Variants in IFT74 observed in about 807,000 individuals in gnomAD.
IFT74 encodes intraflagellar transport 74.
In IFT74, 92 loss-of-function variants were observed where a neutral mutation model predicts 96.7. The observed-to-expected ratio is 0.95, with a 90% CI of 0.80 to 1.13. IFT74 has a LOEUF of 1.13. Among genes scored for constraint, IFT74 ranks in the 50% most tolerant of loss-of-function variants. IFT74 has a pLI of 0.00. For synonymous variants in IFT74, 223 were observed against 213.2 expected, an observed-to-expected ratio of 1.05 and a Z score of -0.40; for missense variants, 811 against 698.2, an observed-to-expected ratio of 1.16 and a Z score of -1.82.
At chr9:27,044,669 A>G in intron 13 of IFT74, 73 bp from the exon 14 acceptor site, 1 of 842,044 alleles carries the variant, frequency 1.2e-6, no homozygotes. Flanking sequence ...GAGAGAACCA[A>G]AGAGAGATTT....
intron 1 of IFT74, among the ~76,000 whole-genome samples, chr9:26,950,456 A>G (rs1216635842): frequency 6.6e-6 from 1 of 152,036 alleles, no homozygotes; most frequent in Non-Finnish European, 1.5e-5. Flanking sequence ...CCATACAAGG[A>G]GTTGGGGTGG....
At chr9:26,951,233 G>C (rs1825920965) in intron 1 of IFT74, among the ~76,000 whole-genome samples, 1 of 152,198 alleles carries the variant, frequency 6.6e-6, no homozygotes, top group African/African-American at 2.4e-5. Context: ...ACTGAGAACA[G>C]CATTAATGCA....
At chr9:27,003,779 A>G (rs1828630188) in intron 8 of IFT74, among the ~76,000 whole-genome samples, 1 of 152,200 alleles carries the variant, frequency 6.6e-6, no homozygotes, top group Non-Finnish European at 1.5e-5. Context: ...GTAGATCATA[A>G]TAGAATCCCT....
chr9:27,018,027 G>T (rs1360412713), intron 11 of IFT74, among the ~76,000 whole-genome samples: 4 of 152,150 alleles, frequency 2.6e-5, no homozygotes, highest in Non-Finnish European at 5.9e-5. Flanking sequence ...TTTCAAAAAG[G>T]TATTAAATCT....
intron 2 of IFT74, among the ~76,000 whole-genome samples, chr9:26,966,260 A>C (rs1826607602): frequency 2.0e-5 from 3 of 152,122 alleles, no homozygotes; most frequent in Admixed American, 2.0e-4. Context: ...ACTGTTCTCC[A>C]TAGTAGTTAT....
chr9:26,975,397 C>A (rs1197230076), intron 2 of IFT74, among the ~76,000 whole-genome samples: 3 of 152,134 alleles, frequency 2.0e-5, no homozygotes, highest in Non-Finnish European at 4.4e-5. Context: ...CAAATCCACT[C>A]TTCATTGGAA....
At chr9:26,959,496 A>G (rs1826262237) in intron 1 of IFT74, among the ~76,000 whole-genome samples, 1 of 152,204 alleles carries the variant, frequency 6.6e-6, no homozygotes, top group Non-Finnish European at 1.5e-5. Context: ...TCAAGAAATA[A>G]GTTTTTGAAG....
chr9:26,997,774 A>G lies in IFT74; in HGVS notation c.587+7579A>G, dbSNP rs146564077. On this transcript the variant is annotated intron_variant, in intron 8 of 19. Transcript: ENST00000380062. ...TCAACCAGTTCTGCAAATTAAATAG[A>G]CTGCAAGAGCAGTTCCATAGGTTTC... The G allele has an allele frequency of 1.6e-5, 26 of 1,611,582 alleles. No homozygotes were observed. In the African/African-American group the frequency reaches 1.9e-4, roughly 12 times the overall value.
chr9:26,983,316 C>G (rs1827468986), intron 4 of IFT74, among the ~76,000 whole-genome samples: 1 of 152,218 alleles, frequency 6.6e-6, no homozygotes, highest in Non-Finnish European at 1.5e-5. Flanking sequence ...CATTGCCTTT[C>G]TCCCCCAGGA....
At chr9:27,055,953 G>A (rs1217131644) in intron 17 of IFT74, among the ~76,000 whole-genome samples, 181 bp downstream of exon 17, 1 of 152,044 alleles carries the variant, frequency 6.6e-6, no homozygotes, top group East Asian at 1.9e-4. Context: ...AAGTTTTAAA[G>A]AAAAGCAAAA....
At position 27,063,571 on chromosome 9, in the gene IFT74, C is replaced by T. The variant is rs1037479421; in HGVS notation, c.*835C>T. On this transcript the variant is annotated 3_prime_UTR_variant, in exon 20 of 20. Transcript: ENST00000380062. ...ATTATATTAACTGTAGATGTATCTTCTCTTATCGTGCAGGAATGAGTCACC... is the reference window on the plus strand; with the variant it reads ...ATTATATTAACTGTAGATGTATCTTTTCTTATCGTGCAGGAATGAGTCACC... 6.6e-6 allele frequency among the ~76,000 whole-genome samples: 1 copy of T among 152,074 alleles called. No individual in the cohort carries two copies. The highest frequency in any genetic ancestry group is 6.6e-5 in the Admixed American group (1 of 15,262).
intron 13 of IFT74, among the ~76,000 whole-genome samples, chr9:27,044,528 C>G (rs1336283882): frequency 6.6e-6 from 1 of 152,148 alleles, no homozygotes; most frequent in Non-Finnish European, 1.5e-5. Context: ...GCCTTTAAGT[C>G]CTTTCCAATC....
At chr9:26,967,687 G>T (rs1207715185) in intron 2 of IFT74, among the ~76,000 whole-genome samples, 1 of 152,084 alleles carries the variant, frequency 6.6e-6, no homozygotes, top group Non-Finnish European at 1.5e-5. Flanking sequence ...TAGAGGAAAG[G>T]CTTTCAGTTT....
Position 27,020,619 on chromosome 9 carries a change from C to T in IFT74, c.974+1932C>T, listed in dbSNP as rs550570387. On this transcript the variant is annotated intron_variant, in intron 12 of 19. Coordinates refer to ENST00000380062, the MANE Select transcript of IFT74 (RefSeq NM_025103.4). ...CCTCCCCAGTAGCTGGGACTACAGG[C>T]GCCCGCCACTGCGCCTGGCTAATTT... Among the ~76,000 whole-genome samples the T allele has an allele frequency of 7.8e-4, 118 of 151,758 alleles. 2 individuals carry two copies. The highest frequency in any genetic ancestry group is 2.7e-4 in the Non-Finnish European group (18 of 67,828).
At chr9:27,049,891 C>T (rs982403444) in intron 16 of IFT74, among the ~76,000 whole-genome samples, 2 of 151,838 alleles carry the variant, frequency 1.3e-5, no homozygotes, top group Admixed American at 6.6e-5. Flanking sequence ...ATAAAGTTTT[C>T]GAGTAGCCAT....
chr9:27,050,571 T>A (rs938954152), intron 16 of IFT74, among the ~76,000 whole-genome samples: 1 of 152,192 alleles, frequency 6.6e-6, no homozygotes, highest in African/African-American at 2.4e-5. Flanking sequence ...TTGAATTAGC[T>A]ATGTTTTTGT....
intron 9 of IFT74, 58 bp from the exon 10 acceptor site, chr9:27,011,848 A>T: frequency 1.7e-6 from 2 of 1,211,366 alleles, no homozygotes; most frequent in Non-Finnish European, 2.3e-6. Context: ...TCCCCCCACT[A>T]CAACAAATTA....
intron 16 of IFT74, among the ~76,000 whole-genome samples, chr9:27,052,785 T>A (rs1052949611): frequency 6.6e-6 from 1 of 152,198 alleles, no homozygotes; most frequent in Non-Finnish European, 1.5e-5. Flanking sequence ...TTTTTTTGTA[T>A]CTTCAAAACA....
chr9:27,058,259 T>C (rs1013500031), intron 18 of IFT74, among the ~76,000 whole-genome samples: 1 of 152,156 alleles, frequency 6.6e-6, no homozygotes, highest in Admixed American at 6.5e-5. Context: ...AGCCAATTTT[T>C]ATTATTTTTT....
Sources: allele counts gnomAD v4.1 joint callset (sites outside exome capture counted in the v4.1 genomes callset), GRCh38; gene constraint gnomAD v4.1.1; transcripts MANE v1.5; gene names NCBI Gene and HGNC (gene_info 2026-07-23, HGNC 2026-07-21).